The following RNF38 variants were observed in gnomAD, a reference collection of about 807,000 sequenced individuals.
RNF38 encodes E3 ubiquitin-protein ligase RNF38.
RNF38 carries 15 observed loss-of-function variants against 67.2 expected under a neutral mutation model. That is an observed-to-expected ratio of 0.22 (90% CI 0.15 to 0.34). RNF38 has a LOEUF of 0.34. Ranked by LOEUF, RNF38 falls within the 10% of genes least tolerant of loss-of-function variation. RNF38 has a pLI of 1.00. For synonymous variants in RNF38, 220 were observed against 218.8 expected, an observed-to-expected ratio of 1.01 and a Z score of -0.05; for missense variants, 524 against 639.9, an observed-to-expected ratio of 0.82 and a Z score of 1.95.
intron 6 of RNF38, among the ~76,000 whole-genome samples, chr9:36,354,203 A>G (rs922213628): frequency 6.6e-6 from 1 of 151,954 alleles, no homozygotes; most frequent in African/African-American, 2.4e-5. Flanking sequence ...TTATTTATTT[A>G]TTTTTTGAGA....
At chr9:36,416,740 A>ATTTTTTTTTTTTTTTTTTTTTT (rs1491451376) in intron 2 of RNF38, among the ~76,000 whole-genome samples, 1 of 73,032 alleles carries the variant, frequency 1.4e-5, no homozygotes, top group African/African-American at 5.5e-5. Flanking sequence ...TGCTGCCTCG[A>ATTTTTTTTTTTTTTTTTTTTTT]TATTTTTTTT....
At chr9:36,439,837 A>G (rs1839155099) in intron 1 of RNF38, among the ~76,000 whole-genome samples, 1 of 151,714 alleles carries the variant, frequency 6.6e-6, no homozygotes, top group Non-Finnish European at 1.5e-5. Flanking sequence ...TGCTAACAGT[A>G]CCAATCTCCT....
At chr9:36,362,193 C>T (rs1053858654) in intron 4 of RNF38, among the ~76,000 whole-genome samples, 4 of 152,042 alleles carry the variant, frequency 2.6e-5, no homozygotes, top group Middle Eastern at 6.8e-3. Context: ...CCCGTCTCTA[C>T]TAAAAATACA....
intron 2 of RNF38, among the ~76,000 whole-genome samples, chr9:36,384,000 G>A (rs2133944103): frequency 6.6e-6 from 1 of 152,236 alleles, no homozygotes; most frequent in East Asian, 1.9e-4. Flanking sequence ...GGTTTCCTAA[G>A]TCTAAGGAGG....
At position 36,342,370 on chromosome 9, in the gene RNF38, G is replaced by A. The variant is rs574854291; in HGVS notation, c.1440C>T (p.Pro480=). 6.2e-7 allele frequency: 1 copy of A among 1,613,890 alleles called. No homozygotes were observed. The highest frequency in any genetic ancestry group is 8.5e-7 in the Non-Finnish European group (1 of 1,179,854). ...ACTTGGCATGGAACTCGTGGTTACA[G>A]GGTAAGACTCTAAGTAGCTGCCTTG... ...FESRQLLRVL[P]CNHEFHAKCV... Residue 480 remains proline, a synonymous_variant, in exon 11 of 12, where the codon CCC becomes CCT. Transcript: ENST00000259605.
chr9:36,396,408 AG>A, intron 1 of RNF38, among the ~76,000 whole-genome samples: 1 of 152,138 alleles, frequency 6.6e-6, no homozygotes, highest in South Asian at 2.1e-4. Flanking sequence ...GCTCCTTGCT[AG>A]GATTTTTTTT....
intron 1 of RNF38, among the ~76,000 whole-genome samples, chr9:36,441,649 TATA>T (rs1304173877): frequency 1.3e-5 from 2 of 152,114 alleles, no homozygotes; most frequent in Non-Finnish European, 2.9e-5. Context: ...CTGATTATAA[TATA>T]ATATCACCTA....
chr9:36,472,666 A>G (rs1840022120), intron 1 of RNF38, among the ~76,000 whole-genome samples: 1 of 152,194 alleles, frequency 6.6e-6, no homozygotes, highest in South Asian at 2.1e-4. Flanking sequence ...CCCACAATAC[A>G]GATGAGATAC....
chr9:36,404,196 C>T (rs964486692), upstream of RNF38, among the ~76,000 whole-genome samples: 1 of 152,224 alleles, frequency 6.6e-6, no homozygotes, highest in Middle Eastern at 3.2e-3. Context: ...GCATCATATA[C>T]TGAAAAAGAC....
chr9:36,385,145 T>TAA (rs575197463), intron 2 of RNF38, among the ~76,000 whole-genome samples: 107 of 150,418 alleles, frequency 7.1e-4, no homozygotes, highest in African/African-American at 2.4e-3. Context: ...ACCGAAAATT[T>TAA]AAAAAAAAAA....
At chr9:36,483,649 C>T (rs1282160174) in intron 1 of RNF38, among the ~76,000 whole-genome samples, 1 of 152,170 alleles carries the variant, frequency 6.6e-6, no homozygotes, top group Non-Finnish European at 1.5e-5. Context: ...TAATCTCTGA[C>T]CATAGGTTCA....
At chr9:36,409,734 GCA>G (rs1491180751) in intron 2 of RNF38, among the ~76,000 whole-genome samples, 7 of 152,182 alleles carry the variant, frequency 4.6e-5, no homozygotes, top group Non-Finnish European at 7.3e-5. Context: ...GAATGGTTTT[GCA>G]CAGACATATG....
At chr9:36,450,546 C>T (rs1839411345) in intron 1 of RNF38, among the ~76,000 whole-genome samples, 1 of 152,090 alleles carries the variant, frequency 6.6e-6, no homozygotes, top group Admixed American at 6.6e-5. Flanking sequence ...AATTTTAAAA[C>T]CAAATAAAAG....
chr9:36,479,886 G>A (rs925007959), intron 1 of RNF38, among the ~76,000 whole-genome samples: 1 of 152,172 alleles, frequency 6.6e-6, no homozygotes, highest in Non-Finnish European at 1.5e-5. Context: ...GATTACTTGA[G>A]CTCAGGAGTT....
intron 1 of RNF38, among the ~76,000 whole-genome samples, chr9:36,437,080 G>C (rs1587135254): frequency 6.6e-6 from 1 of 152,060 alleles, no homozygotes; most frequent in Non-Finnish European, 1.5e-5. Context: ...TGCTTAACAA[G>C]GCCACTTGGG....
chr9:36,341,152 T>C (rs1225410236), intron 11 of RNF38, among the ~76,000 whole-genome samples: 1 of 152,218 alleles, frequency 6.6e-6, no homozygotes, highest in Non-Finnish European at 1.5e-5. Flanking sequence ...AAGCCGCTCA[T>C]TGATTTTATC....
At chr9:36,433,134 G>A (rs1838972530) in intron 1 of RNF38, among the ~76,000 whole-genome samples, 1 of 151,028 alleles carries the variant, frequency 6.6e-6, no homozygotes, top group East Asian at 1.9e-4. Flanking sequence ...GCTGGGGAGG[G>A]TAGAGGAGGG....
At chr9:36,433,841 G>A (rs960875829) in intron 1 of RNF38, among the ~76,000 whole-genome samples, 1 of 151,976 alleles carries the variant, frequency 6.6e-6, no homozygotes, top group African/African-American at 2.4e-5. Context: ...TATTGGAGAA[G>A]GTATAAAAAA....
chr9:36,466,045 C>T (rs1839855424), intron 1 of RNF38, among the ~76,000 whole-genome samples: 1 of 152,144 alleles, frequency 6.6e-6, no homozygotes, highest in South Asian at 2.1e-4. Context: ...GTGCGAGACT[C>T]TGTCTCGTGA....
Sources: gnomAD v4.1 joint callset for allele counts (sites outside exome capture counted in the v4.1 genomes callset) on GRCh38, gnomAD v4.1.1 for gene constraint, MANE v1.5 for transcripts, NCBI Gene and HGNC (gene_info 2026-07-23, HGNC 2026-07-21) for gene names.